ADGRL2: variants seen among roughly 807,000 people sequenced by gnomAD.
ADGRL2 encodes the protein calcium-independent alpha-latrotoxin receptor 2.
ADGRL2 carries 44 observed loss-of-function variants against 157.4 expected under a neutral mutation model. The ratio of observed to expected loss-of-function variants is 0.28; its 90% CI spans 0.22 to 0.36. The LOEUF (loss-of-function observed/expected upper bound fraction) is 0.36. ADGRL2 is among the 10% of genes least tolerant of loss of function. The pLI is 1.00. For missense variants in ADGRL2, 1,510 were observed against 1,768.9 expected, an observed-to-expected ratio of 0.85 and a Z score of 2.63; for synonymous variants, 585 against 624.7, an observed-to-expected ratio of 0.94 and a Z score of 0.95.
chr1:81,754,040 T>C (rs2085579130), intron 1 of ADGRL2, among the ~76,000 whole-genome samples: 1 of 152,104 alleles, frequency 6.6e-6, no homozygotes, highest in South Asian at 2.1e-4. Flanking sequence ...GAAAATATTT[T>C]ATCCCATGAC....
At chr1:81,383,368 T>G (rs1201063798) in intron 1 of ADGRL2, among the ~76,000 whole-genome samples, 1 of 152,180 alleles carries the variant, frequency 6.6e-6, no homozygotes, top group South Asian at 2.1e-4. Flanking sequence ...GGCTTTCATG[T>G]TGTAAGTATT....
At chr1:81,826,101 A>AT (rs550168330) in intron 1 of ADGRL2, among the ~76,000 whole-genome samples, 36 of 152,260 alleles carry the variant, frequency 2.4e-4, no homozygotes, top group African/African-American at 8.7e-4. Flanking sequence ...GCTCCAGAGG[A>AT]TTTTTGGTTT....
intron 1 of ADGRL2, among the ~76,000 whole-genome samples, chr1:81,738,527 A>G (rs772393882): frequency 2.6e-5 from 4 of 152,228 alleles, no homozygotes; most frequent in African/African-American, 4.8e-5. Flanking sequence ...TCATGATATC[A>G]TAGTGTTTAT....
chr1:81,490,890 C>T, intron 2 of ADGRL2, among the ~76,000 whole-genome samples: 1 of 152,100 alleles, frequency 6.6e-6, no homozygotes, highest in South Asian at 2.1e-4. Flanking sequence ...AACACAATGC[C>T]CACCAACAAT....
At chr1:81,955,657 A>T (rs948383662) in intron 10 of ADGRL2, 4 of 384,072 alleles carry the variant, frequency 1.0e-5, no homozygotes, top group Non-Finnish European at 1.9e-5. Context: ...ACTGTTTGTA[A>T]TCAAATAGCA....
intron 11 of ADGRL2, among the ~76,000 whole-genome samples, chr1:81,957,576 C>T (rs1337161731): frequency 2.0e-5 from 3 of 151,960 alleles, no homozygotes; most frequent in Admixed American, 6.6e-5. Context: ...GACATGGTGG[C>T]GCATGCCTGT....
intron 1 of ADGRL2, among the ~76,000 whole-genome samples, chr1:81,736,839 TC>T (rs1002585119): frequency 3.9e-5 from 6 of 152,086 alleles, no homozygotes; most frequent in Non-Finnish European, 8.8e-5. Context: ...AGAGACTCCC[TC>T]ACTCTTTTTT....
At chr1:81,906,976 A>AT in intron 2 of ADGRL2, 41 bp from the exon 3 acceptor site, 1 of 1,457,932 alleles carries the variant, frequency 6.9e-7, no homozygotes, top group Non-Finnish European at 9.6e-7. Context: ...TTTATCTTAT[A>AT]AATGAGTTAC....
intron 1 of ADGRL2, chr1:81,722,620 TG>T (rs1426103867): frequency 4.2e-6 from 6 of 1,427,814 alleles, no homozygotes; most frequent in Non-Finnish European, 5.8e-6. Flanking sequence ...TGCCCTTGCC[TG>T]TAAATTGGAT....
intron 1 of ADGRL2, among the ~76,000 whole-genome samples, chr1:81,812,130 T>G (rs1296823508): frequency 2.0e-5 from 3 of 151,792 alleles, no homozygotes; most frequent in Non-Finnish European, 4.4e-5. Flanking sequence ...AGTAGAGTAG[T>G]ATTTCTATAA....
intron 12 of ADGRL2, 105 bp from the exon 13 acceptor site, chr1:81,966,299 G>A: frequency 2.6e-6 from 4 of 1,516,360 alleles, no homozygotes; most frequent in Non-Finnish European, 3.6e-6. Context: ...TTTAAAAGCA[G>A]ATATAAAACA....
intron 1 of ADGRL2, among the ~76,000 whole-genome samples, chr1:81,393,923 G>A (rs1048339361): frequency 2.0e-5 from 3 of 147,864 alleles, no homozygotes; most frequent in African/African-American, 7.5e-5. Flanking sequence ...AGAATTTACT[G>A]ATATTTGAAG....
intron 3 of ADGRL2, among the ~76,000 whole-genome samples, chr1:81,605,088 G>T (rs974592512): frequency 3.9e-5 from 6 of 152,000 alleles, no homozygotes; most frequent in Non-Finnish European, 8.8e-5. Flanking sequence ...ATAACCTGAG[G>T]ATATGATTTA....
intron 1 of ADGRL2, among the ~76,000 whole-genome samples, chr1:81,332,443 A>G (rs909725878): frequency 6.6e-6 from 1 of 152,212 alleles, no homozygotes; most frequent in African/African-American, 2.4e-5. Flanking sequence ...TAATATGCCA[A>G]TCAAGTTGTG....
At chr1:81,960,957 C>A (rs558476154) in intron 11 of ADGRL2, among the ~76,000 whole-genome samples, 1 of 152,274 alleles carries the variant, frequency 6.6e-6, no homozygotes, top group African/African-American at 2.4e-5. Flanking sequence ...CAGTTCTGCT[C>A]CGTGTTGTTT....
chr1:81,721,428 CACCAAAG>C (rs1345302350), intron 1 of ADGRL2, among the ~76,000 whole-genome samples: 7 of 152,078 alleles, frequency 4.6e-5, no homozygotes, highest in Admixed American at 4.6e-4. Context: ...TGATCTTGAA[CACCAAAG>C]AAATTTATTG....
intron 3 of ADGRL2, among the ~76,000 whole-genome samples, chr1:81,593,625 CCT>C (rs1183894557): frequency 6.6e-6 from 1 of 152,092 alleles, no homozygotes; most frequent in Non-Finnish European, 1.5e-5. Flanking sequence ...GGCTCTATTA[CCT>C]CTTATTCCTA....
intron 2 of ADGRL2, among the ~76,000 whole-genome samples, chr1:81,472,317 A>C (rs1432701351): frequency 6.6e-6 from 1 of 152,214 alleles, no homozygotes; most frequent in Non-Finnish European, 1.5e-5. Flanking sequence ...TGGAAAATCC[A>C]CTAGCCTAAA....
At chr1:81,810,344 A>T (rs1393011227) in intron 1 of ADGRL2, among the ~76,000 whole-genome samples, 1 of 151,898 alleles carries the variant, frequency 6.6e-6, no homozygotes, top group African/African-American at 2.4e-5. Context: ...AATCATGTTT[A>T]AAATGAGTTT....
Sources: gnomAD v4.1 joint callset for allele counts (sites outside exome capture counted in the v4.1 genomes callset) on GRCh38, gnomAD v4.1.1 for gene constraint, MANE v1.5 for transcripts, NCBI Gene and HGNC (gene_info 2026-07-23, HGNC 2026-07-21) for gene names.